IYD: variants seen among roughly 807,000 people sequenced by gnomAD.
IYD encodes the protein iodotyrosine deiodinase 1.
Under a neutral mutation model 28.4 loss-of-function variants are expected in IYD, and 25 were observed. That is an observed-to-expected ratio of 0.88 (90% CI 0.64 to 1.23). The LOEUF (loss-of-function observed/expected upper bound fraction) is 1.23, where lower values mean the gene tolerates loss of function less well. IYD is among the 50% of genes most tolerant of loss of function. IYD has a pLI of 0.00. For synonymous variants in IYD, 140 were observed against 130.8 expected (o/e 1.07, Z -0.48); for missense variants, 352 against 357.9 (o/e 0.98, Z 0.13).
In IYD at chr6:150,369,139, C is replaced by A. The variant is rs774238810; in HGVS notation, c.108C>A (p.Thr36=). 2.7e-5 allele frequency: 43 copies of A among 1,613,784 alleles called. No individual in the cohort carries two copies. Among genetic ancestry groups the A allele is most frequent in the Non-Finnish European group, 3.6e-5 (42 of 1,179,990 alleles). ...SMEKKKGEPR[T]RAEARPWVDE... ...AGAAAAAGAAGGGGGAGCCTAGAACCAGGGCCGAAGCTCGCCCCTGGGTGG... is the reference window on the plus strand; with the variant it reads ...AGAAAAAGAAGGGGGAGCCTAGAACAAGGGCCGAAGCTCGCCCCTGGGTGG... The change falls in exon 1 of 5, where the codon ACC becomes ACA. Residue 36 remains threonine (T), a synonymous_variant. Transcript: ENST00000344419.
chr6:150,371,216 ATAT>A (rs1447284064), intron 1 of IYD, among the ~76,000 whole-genome samples: 1 of 152,236 alleles, frequency 6.6e-6, no homozygotes, highest in Non-Finnish European at 1.5e-5. Flanking sequence ...TCACAGCCAC[ATAT>A]TATGTGTAGT....
intron 1 of IYD, among the ~76,000 whole-genome samples, chr6:150,372,008 G>A (rs1206349563): frequency 6.6e-6 from 1 of 152,180 alleles, no homozygotes; most frequent in African/African-American, 2.4e-5. Flanking sequence ...GGATTGAGCA[G>A]GAGCTAACTG....
chr6:150,379,232 T>C (rs944198438), intron 1 of IYD, among the ~76,000 whole-genome samples: 1 of 152,166 alleles, frequency 6.6e-6, no homozygotes, highest in Non-Finnish European at 1.5e-5. Context: ...CAACCACCCA[T>C]GTTAGCCAGT....
At chr6:150,388,667 C>CTTTCTTTCTTTCTTTCTTTT (rs1554231506) in intron 1 of IYD, among the ~76,000 whole-genome samples, 19 of 135,938 alleles carry the variant, frequency 1.4e-4, no homozygotes, top group African/African-American at 4.6e-4. Context: ...TTCTTTCTTT[C>CTTTCTTTCTTTCTTTCTTTT]TTTCTTTCTT....
intron 1 of IYD, among the ~76,000 whole-genome samples, chr6:150,382,697 C>T (rs1026582393): frequency 2.0e-5 from 3 of 152,166 alleles, no homozygotes; most frequent in African/African-American, 7.2e-5. Context: ...AAACTATCTT[C>T]CTATTGATTC....
intron 1 of IYD, among the ~76,000 whole-genome samples, chr6:150,381,380 G>C (rs980296419): frequency 1.3e-5 from 2 of 152,028 alleles, no homozygotes; most frequent in African/African-American, 4.8e-5. Context: ...TAGAAGTTTT[G>C]TTTAAAAGTT....
In IYD at chr6:150,389,413, C is replaced by A; in HGVS notation, c.240C>A (p.His80Gln). ...NVEHIPFSHN[H>Q]YPEKEMVKRS... is the part of the protein sequence containing the mutation. ...AACACATCCCCTTCTCTCATAACCACTATCCTGAGAAGGAAATGGTTAAGA... is the reference window on the plus strand; with the variant it reads ...AACACATCCCCTTCTCTCATAACCAATATCCTGAGAAGGAAATGGTTAAGA... The change falls in exon 2 of 5, where the codon CAC becomes CAA. Residue 80 changes from histidine to glutamine, a missense_variant. By Grantham distance (24) the His-to-Gln change is conservative. Transcript: ENST00000344419. The A allele has an allele frequency of 6.2e-7, 1 of 1,613,086 alleles. No individual in the cohort carries two copies. Among genetic ancestry groups the A allele is most frequent in the Non-Finnish European group, 8.5e-7 (1 of 1,179,094 alleles).
rs139068258 is a variant in IYD at position 150,395,729 on chromosome 6, G to A, written c.687+1474G>A. ...TATGGTGACTGGGTCTGATAAGCGC[G>A]CCATGCATGTCTTGTAGAGGCAGCT... On this transcript the variant is annotated intron_variant, in intron 4 of 4. Transcript: ENST00000344419. 430 of 710,578 alleles carry A rather than the reference G, an allele frequency of 6.1e-4. 1 individual carries two copies. In the East Asian group the frequency reaches 9.4e-3, roughly 16 times the overall value. The allele number at this position is 710,578 out of a possible 1,614,324, so 44.0% of individuals were successfully genotyped here. A position where few individuals can be genotyped will look rare whatever the true frequency, so the allele number is the denominator to read the frequency against.
intron 1 of IYD, among the ~76,000 whole-genome samples, chr6:150,379,043 T>C (rs1011521471): frequency 5.3e-5 from 8 of 152,222 alleles, no homozygotes; most frequent in African/African-American, 1.9e-4. Flanking sequence ...TGCACTTGAA[T>C]GGCTTGCAGC....
chr6:150,385,380 A>G (rs1162275570), intron 1 of IYD, among the ~76,000 whole-genome samples: 2 of 152,136 alleles, frequency 1.3e-5, no homozygotes, highest in East Asian at 3.9e-4. Flanking sequence ...CTATCAGATT[A>G]AGAAAGTTCC....
Position 150,392,875 on chromosome 6 carries a change from T to G in IYD, c.530+371T>G, listed in dbSNP as rs7743409. Among the ~76,000 whole-genome samples, 741 of 152,272 alleles carry G rather than the reference T, an allele frequency of 4.9e-3. 4 individuals are homozygous for G. The highest frequency in any genetic ancestry group is 0.017 in the African/African-American group (698 of 41,558). On this transcript the variant is annotated intron_variant, in intron 3 of 4. Transcript: ENST00000344419. ...AGTTTTAGGACAAGTTTAACACAAG[T>G]GTAGTTATCTGTGAGGCCTTAGTAA...
intron 1 of IYD, among the ~76,000 whole-genome samples, chr6:150,387,068 C>A (rs1562316620): frequency 6.6e-6 from 1 of 152,032 alleles, no homozygotes; most frequent in African/African-American, 2.4e-5. Flanking sequence ...AAAAATAACT[C>A]TTTGAGTTTA....
Position 150,402,814 on chromosome 6 carries a change from G to A in IYD, c.*4577G>A, listed in dbSNP as rs1457104612. 4 of 152,202 alleles carry A rather than the reference G, an allele frequency of 2.6e-5. No homozygotes were observed. Among genetic ancestry groups the A allele is most frequent in the Non-Finnish European group, 5.9e-5 (4 of 68,038 alleles). 9.4% of individuals were successfully genotyped at this position (152,202 alleles called of 1,614,324 possible). ...TATTTGCTCCTCCCTATGAAAGGAA[G>A]AGTGACTTCTCTGCTGCATGATATT... On this transcript the variant is annotated 3_prime_UTR_variant, in exon 5 of 5. Transcript: ENST00000344419.
intron 4 of IYD, chr6:150,396,318 G>A (rs894302617): frequency 2.3e-6 from 1 of 438,422 alleles, no homozygotes; most frequent in African/African-American, 2.1e-5. Flanking sequence ...TGGCCCTTTG[G>A]GGGTCTGAGG....
chr6:150,380,473 G>A (rs1249451328), intron 1 of IYD, among the ~76,000 whole-genome samples: 4 of 152,136 alleles, frequency 2.6e-5, no homozygotes, highest in Admixed American at 1.3e-4. Context: ...TGTTCTTTTA[G>A]CTAATGTGTA....
chr6:150,392,995 TG>T (rs1457232357), intron 3 of IYD, among the ~76,000 whole-genome samples: 1 of 152,162 alleles, frequency 6.6e-6, no homozygotes, highest in African/African-American at 2.4e-5. Context: ...CCTCGGGGTC[TG>T]CTCCGGGCGC....
chr6:150,392,611 A>T, intron 3 of IYD, 107 bp downstream of exon 3: 1 of 1,178,162 alleles, frequency 8.5e-7, no homozygotes, highest in Non-Finnish European at 1.2e-6. Context: ...GCTTGATTCT[A>T]TTCTGCCTCT....
At chr6:150,392,230 T>G (rs1778147622) in intron 2 of IYD, 115 bp from the exon 3 acceptor site, 1 of 1,546,642 alleles carries the variant, frequency 6.5e-7, no homozygotes, top group Non-Finnish European at 8.7e-7. Context: ...TTTTGTTTGA[T>G]CCTCCAGCTC....
chr6:150,392,650 C>A (rs1778166163), intron 3 of IYD, 146 bp downstream of exon 3: 2 of 824,426 alleles, frequency 2.4e-6, no homozygotes, highest in South Asian at 2.9e-5. Context: ...TAAGTCCGGG[C>A]TCACTCCTGT....
Sources: allele counts gnomAD v4.1 joint callset (sites outside exome capture counted in the v4.1 genomes callset), GRCh38; gene constraint gnomAD v4.1.1; transcripts MANE v1.5; gene names NCBI Gene and HGNC (gene_info 2026-07-23, HGNC 2026-07-21).